COG5: variants seen among roughly 807,000 people sequenced by gnomAD.
COG5 encodes the protein conserved oligomeric Golgi complex subunit 5.
COG5 carries 86 observed loss-of-function variants against 110.4 expected under a neutral mutation model. The ratio of observed to expected loss-of-function variants is 0.78; its 90% CI spans 0.65 to 0.93. The LOEUF (loss-of-function observed/expected upper bound fraction) is 0.93. Among genes scored for constraint, COG5 ranks in the 40% least tolerant of loss-of-function variants. The pLI is 0.00. For synonymous variants in COG5, 360 were observed against 334.6 expected (o/e 1.08, Z -0.83); for missense variants, 1,077 against 987.0 (o/e 1.09, Z -1.22).
chr7:107,202,302 CA>C lies in COG5; in HGVS notation c.*1213del, dbSNP rs1798390947. 2 of 152,576 alleles carry C rather than the reference CA, an allele frequency of 1.3e-5. No individual in the cohort carries two copies. The highest frequency in any genetic ancestry group is 2.9e-5 in the Non-Finnish European group (2 of 68,026). The allele number at this position is 152,576 out of a possible 1,614,324, so 9.5% of individuals were successfully genotyped here. A position where few individuals can be genotyped will look rare whatever the true frequency, so the allele number is the denominator to read the frequency against. ...CAACACTTGCACTTTAATTTTCCTCCAACTGTCTAAAATTAGAGCAAATACA... is the reference window on the plus strand; with the variant it reads ...CAACACTTGCACTTTAATTTTCCTCCACTGTCTAAAATTAGAGCAAATACA... On this transcript the variant is annotated 3_prime_UTR_variant, in exon 22 of 22. Coordinates refer to ENST00000297135, the MANE Select transcript of COG5 (RefSeq NM_006348.5).
intron 6 of COG5, chr7:107,475,492 T>C: frequency 1.8e-6 from 1 of 565,172 alleles, no homozygotes; most frequent in Non-Finnish European, 3.1e-6. Context: ...TCAATGTGAA[T>C]GTCAATTAGA....
chr7:107,349,656 C>A (rs577199868), intron 10 of COG5, among the ~76,000 whole-genome samples: 22 of 152,190 alleles, frequency 1.4e-4, no homozygotes, highest in African/African-American at 5.3e-4. Flanking sequence ...CTCCCGGGTT[C>A]ACGCCATTCT....
At chr7:107,235,515 C>A (rs1801117892) in intron 18 of COG5, among the ~76,000 whole-genome samples, 2 of 152,158 alleles carry the variant, frequency 1.3e-5, no homozygotes, top group African/African-American at 4.8e-5. Flanking sequence ...CCAGCTTGGC[C>A]AATACGGTTA....
intron 10 of COG5, among the ~76,000 whole-genome samples, chr7:107,354,401 G>T (rs1812443860): frequency 1.3e-5 from 2 of 152,204 alleles, no homozygotes; most frequent in African/African-American, 4.8e-5. Flanking sequence ...AACTAGGGCT[G>T]GGTGTGGTGG....
rs372240169 is a variant in COG5, at chr7:107,412,712, C to CAA, written c.539-82_539-81dup. 1.9e-3 allele frequency: 1,146 copies of CAA among 592,914 alleles called. 1 individual carries two copies. The highest frequency in any genetic ancestry group is 4.3e-3 in the South Asian group (155 of 35,810). 36.7% of individuals were successfully genotyped at this position (592,914 alleles called of 1,614,324 possible). On this transcript the variant is annotated intron_variant, in intron 6 of 21. Coordinates refer to ENST00000297135, the MANE Select transcript of COG5 (RefSeq NM_006348.5). ...AGGTATCAAAATATGTATAACTTCT[C>CAA]AAAAAAAAAAAACAAAAAACGCTAT...
chr7:107,459,444 G>A (rs1179005373), intron 6 of COG5, among the ~76,000 whole-genome samples: 1 of 151,674 alleles, frequency 6.6e-6, no homozygotes, highest in Non-Finnish European at 1.5e-5. Context: ...TGCAATTATA[G>A]GCAAGGATTT....
intron 12 of COG5, among the ~76,000 whole-genome samples, chr7:107,294,921 G>A (rs1463990547): frequency 0.015 from 913 of 59,168 alleles, 20 homozygotes; most frequent in East Asian, 0.057. Flanking sequence ...GTGTGTGTGT[G>A]TGTATATATA....
In COG5 at chr7:107,334,258, T is replaced by G. The variant is rs1319829500; in HGVS notation, c.1027-9737A>C. The stretch of plus-strand genomic sequence containing the variant: ...ATCCTGTCATTCAAGGTAACATGAA[T>G]GAGGCTGGAGGACATTATGTTAAGT... On this transcript the variant is annotated intron_variant, in intron 10 of 21. Transcript: ENST00000297135. Among the ~76,000 whole-genome samples the G allele has an allele frequency of 2.6e-5, 4 of 151,086 alleles. No individual in the cohort carries two copies. In the Admixed American group the frequency reaches 2.6e-4, roughly 10 times the overall value.
intron 19 of COG5, among the ~76,000 whole-genome samples, chr7:107,226,151 T>C (rs1045236025): frequency 6.6e-6 from 1 of 152,228 alleles, no homozygotes; most frequent in Non-Finnish European, 1.5e-5. Context: ...TTTTACCAGA[T>C]ATTAACTAAT....
chr7:107,311,551 G>A (rs1232694722), intron 11 of COG5, among the ~76,000 whole-genome samples: 1 of 149,342 alleles, frequency 6.7e-6, no homozygotes, highest in Non-Finnish European at 1.5e-5. Context: ...CCGCCACCGC[G>A]CCCGGCTAAT....
At chr7:107,264,722 C>A in intron 14 of COG5, among the ~76,000 whole-genome samples, 1 of 151,652 alleles carries the variant, frequency 6.6e-6, no homozygotes, top group Non-Finnish European at 1.5e-5. Flanking sequence ...AAAACGAACC[C>A]CAGAAAATGG....
At chr7:107,460,193 A>G (rs1209153177) in intron 6 of COG5, among the ~76,000 whole-genome samples, 1 of 152,176 alleles carries the variant, frequency 6.6e-6, no homozygotes, top group Non-Finnish European at 1.5e-5. Flanking sequence ...GCTTGAGTCC[A>G]GGAGTTCAAG....
chr7:107,528,393 T>A (rs1800932330), intron 5 of COG5, among the ~76,000 whole-genome samples: 1 of 152,192 alleles, frequency 6.6e-6, no homozygotes, highest in Admixed American at 6.5e-5. Flanking sequence ...GTGGTGATTT[T>A]TAATCACTAA....
intron 7 of COG5, among the ~76,000 whole-genome samples, chr7:107,405,411 C>T (rs1038578673): frequency 6.6e-6 from 1 of 152,158 alleles, no homozygotes; most frequent in African/African-American, 2.4e-5. Context: ...CTCCCAAACA[C>T]AGGCTCTTTC....
intron 15 of COG5, among the ~76,000 whole-genome samples, chr7:107,258,044 G>A (rs1017225412): frequency 6.6e-6 from 1 of 151,996 alleles, no homozygotes; most frequent in African/African-American, 2.4e-5. Flanking sequence ...TTAACTTGAG[G>A]AGCTATAGTT....
intron 6 of COG5, among the ~76,000 whole-genome samples, chr7:107,413,095 T>C (rs1010861322): frequency 2.0e-5 from 3 of 151,980 alleles, no homozygotes; most frequent in African/African-American, 7.3e-5. Context: ...TAGTTCACTA[T>C]AGTCTCGAAC....
At chr7:107,504,699 G>A (rs186022007) in intron 6 of COG5, among the ~76,000 whole-genome samples, 1 of 152,102 alleles carries the variant, frequency 6.6e-6, no homozygotes, top group East Asian at 1.9e-4. Flanking sequence ...TCTGCTCAGG[G>A]TTTCTATTTC....
chr7:107,395,220 C>T (rs559217491), intron 7 of COG5, among the ~76,000 whole-genome samples: 1 of 151,788 alleles, frequency 6.6e-6, no homozygotes, highest in Admixed American at 6.6e-5. Flanking sequence ...ATAAGAAACC[C>T]CAGAATCACA....
chr7:107,252,382 T>G (rs1359766179), intron 16 of COG5, among the ~76,000 whole-genome samples: 1 of 152,174 alleles, frequency 6.6e-6, no homozygotes, highest in Non-Finnish European at 1.5e-5. Context: ...CTTTCTCTAT[T>G]AAATGAATTA....
Sources: allele counts gnomAD v4.1 joint callset (sites outside exome capture counted in the v4.1 genomes callset), GRCh38; gene constraint gnomAD v4.1.1; transcripts MANE v1.5; gene names NCBI Gene and HGNC (gene_info 2026-07-23, HGNC 2026-07-21).